The following BAZ1A variants were observed in gnomAD, a reference collection of about 807,000 sequenced individuals.
BAZ1A encodes bromodomain adjacent to zinc finger domain protein 1A.
BAZ1A carries 50 observed loss-of-function variants against 185.2 expected under a neutral mutation model. The ratio of observed to expected loss-of-function variants is 0.27; its 90% CI spans 0.22 to 0.34. The LOEUF (loss-of-function observed/expected upper bound fraction) is 0.34. Ranked by LOEUF, BAZ1A falls within the 10% of genes least tolerant of loss-of-function variation. BAZ1A has a pLI of 1.00. For missense variants in BAZ1A, 1,356 were observed against 1,839.9 expected (o/e 0.74, Z 4.81); for synonymous variants, 571 against 615.6 (o/e 0.93, Z 1.07).
At chr14:34,855,321 C>T (rs372383255) in intron 3 of BAZ1A, among the ~76,000 whole-genome samples, 1 of 152,096 alleles carries the variant, frequency 6.6e-6, no homozygotes, top group East Asian at 1.9e-4. Context: ...ATAAGGCAAA[C>T]GACAAGCTGC....
intron 2 of BAZ1A, among the ~76,000 whole-genome samples, chr14:34,867,851 C>A (rs1258889201): frequency 1.3e-5 from 2 of 152,172 alleles, no homozygotes; most frequent in African/African-American, 4.8e-5. Context: ...ACACTTTACC[C>A]ATTTATCATA....
intron 3 of BAZ1A, among the ~76,000 whole-genome samples, chr14:34,848,074 C>T (rs1035074941): frequency 2.0e-5 from 3 of 152,034 alleles, no homozygotes; most frequent in African/African-American, 7.2e-5. Context: ...GTTGCTCAGG[C>T]TGGTCTTGAA....
intron 12 of BAZ1A, among the ~76,000 whole-genome samples, chr14:34,790,632 G>A (rs1037839950): frequency 1.3e-4 from 20 of 152,074 alleles, no homozygotes; most frequent in Non-Finnish European, 2.6e-4. Context: ...GGGATTACAG[G>A]CATGAGCCAC....
At chr14:34,796,454 A>C (rs1390609531) in intron 9 of BAZ1A, among the ~76,000 whole-genome samples, 1 of 152,224 alleles carries the variant, frequency 6.6e-6, no homozygotes, top group African/African-American at 2.4e-5. Flanking sequence ...GTTTGTAATA[A>C]ATTTGTCATT....
At chr14:34,814,899 G>A (rs61988010) in intron 4 of BAZ1A, among the ~76,000 whole-genome samples, 42,174 of 151,384 alleles carry the variant, frequency 0.28, 6,377 homozygotes, top group Non-Finnish European at 0.36. Context: ...TCAGCCTCCC[G>A]AGTAGCTGGG....
At chr14:34,836,822 G>A (rs1017184539) in intron 3 of BAZ1A, among the ~76,000 whole-genome samples, 9 of 152,126 alleles carry the variant, frequency 5.9e-5, no homozygotes, top group Non-Finnish European at 1.2e-4. Flanking sequence ...CACACAAAAA[G>A]AGTGTGAATT....
At chr14:34,787,136 C>T (rs1880511355) in intron 12 of BAZ1A, among the ~76,000 whole-genome samples, 2 of 150,600 alleles carry the variant, frequency 1.3e-5, no homozygotes, top group Admixed American at 6.6e-5. Context: ...AGGCGGATCA[C>T]GAGGTCAAGA....
chr14:34,792,018 C>T (rs1306997915), intron 12 of BAZ1A, among the ~76,000 whole-genome samples: 2 of 152,152 alleles, frequency 1.3e-5, no homozygotes, highest in Non-Finnish European at 2.9e-5. Context: ...TTATTTAACT[C>T]TGATGTAAAA....
At chr14:34,811,970 G>A (rs965774610) in intron 4 of BAZ1A, among the ~76,000 whole-genome samples, 2 of 151,920 alleles carry the variant, frequency 1.3e-5, no homozygotes, top group African/African-American at 4.8e-5. Context: ...CCCTTTGAGG[G>A]TATTTATTTA....
chr14:34,772,501 G>A (rs1879291300), intron 20 of BAZ1A, among the ~76,000 whole-genome samples: 1 of 151,978 alleles, frequency 6.6e-6, no homozygotes, highest in Non-Finnish European at 1.5e-5. Context: ...TTTCTCCACT[G>A]TTCCCTTCTA....
chr14:34,843,185 G>T (rs1437972151), intron 3 of BAZ1A, among the ~76,000 whole-genome samples: 1 of 151,918 alleles, frequency 6.6e-6, no homozygotes, highest in Non-Finnish European at 1.5e-5. Flanking sequence ...AATATAAGGA[G>T]GATCTAAAAT....
rs752502776 is a variant in BAZ1A, at chr14:34,780,278, A to G, written c.2144T>C (p.Ile715Thr). The change falls in exon 17 of 27, where the codon ATT becomes ACT. Residue 715 changes from isoleucine (I) to threonine (T), a missense_variant. Physicochemically the swap from Ile to Thr is moderately conservative, Grantham distance 89. Around this residue, in one of 7 missense-constraint regions of BAZ1A, gnomAD observed 434 missense variants for 561.7 expected, o/e 0.77. Coordinates refer to ENST00000360310, the MANE Select transcript of BAZ1A (RefSeq NM_013448.3). ...CTTTTGCTCTGTGTCTTTGCTCTCA[A>G]TGCTAGTATCAAAATCTTCCCTTTC... ...EEEREDFDTS[I>T]ESKDTEQKEL... is the part of the protein sequence containing the mutation. 1.2e-6 allele frequency: 2 copies of G among 1,612,846 alleles called. No individual in the cohort carries two copies. Among genetic ancestry groups the G allele is most frequent in the Non-Finnish European group, 1.7e-6 (2 of 1,179,532 alleles).
chr14:34,803,185 C>T (rs61981234), intron 6 of BAZ1A, among the ~76,000 whole-genome samples, 197 bp from the exon 7 acceptor site: 29,941 of 151,934 alleles, frequency 0.2, 3,500 homozygotes, highest in Non-Finnish European at 0.26. Flanking sequence ...TCGAGACCAT[C>T]CTGCCCAATA....
chr14:34,764,770 C>G lies in BAZ1A; in HGVS notation c.3713G>C (p.Ser1238Thr), dbSNP rs1594813576. The change falls in exon 23 of 27, where the codon AGT (serine) becomes ACT (threonine). Residue 1238 changes from serine (S) to threonine (T), a missense_variant. Ser to Thr is a moderately conservative substitution (Grantham distance 58). Transcript: ENST00000360310. Reference protein sequence around the residue: ...EVDGDEEEGQSEEEEYEVEQD... With the variant: ...EVDGDEEEGQTEEEEYEVEQD... ...TTCTACCTCATACTCTTCCTCCTCA[C>G]TTTGACCTTCTTCTTCATCGCCATC... The G allele has an allele frequency of 6.2e-7, 1 of 1,609,956 alleles. No homozygotes were observed.
intron 12 of BAZ1A, among the ~76,000 whole-genome samples, chr14:34,792,552 T>C (rs546039781): frequency 2.0e-5 from 3 of 152,210 alleles, no homozygotes; most frequent in South Asian, 2.1e-4. Flanking sequence ...AAAAGCAAGA[T>C]AGACTGAGGG....
chr14:34,783,620 C>T, intron 15 of BAZ1A, 142 bp downstream of exon 15: 1 of 1,125,524 alleles, frequency 8.9e-7, no homozygotes, highest in South Asian at 1.7e-5. Flanking sequence ...AGCCACCACA[C>T]CTGGCCTCAT....
chr14:34,783,326 C>A, intron 15 of BAZ1A, 94 bp from the exon 16 acceptor site: 64 of 631,124 alleles, frequency 1.0e-4, no homozygotes, highest in Middle Eastern at 4.9e-4. Flanking sequence ...GAAAGTACTT[C>A]AAACATTATT....
chr14:34,784,946 T>C (rs993117047), intron 14 of BAZ1A, among the ~76,000 whole-genome samples: 5 of 152,156 alleles, frequency 3.3e-5, no homozygotes, highest in Non-Finnish European at 5.9e-5. Flanking sequence ...AACCTCTGCC[T>C]CCTGGGTTCA....
At position 34,785,803 on chromosome 14, in the gene BAZ1A, C is replaced by A; in HGVS notation, c.1805G>T (p.Ser602Ile). 1 of 1,613,966 alleles carries A rather than the reference C, an allele frequency of 6.2e-7. No individual in the cohort carries two copies. The highest frequency in any genetic ancestry group is 8.5e-7 in the Non-Finnish European group (1 of 1,180,018). Residue 602 changes from serine to isoleucine, a missense_variant, in exon 14 of 27, where the codon AGC (serine) becomes ATC (isoleucine). By Grantham distance (142) the Ser-to-Ile change is moderately radical (BLOSUM62 -2). This residue lies in a region of BAZ1A where 184 missense variants were observed against 355.1 expected (regional missense o/e 0.52). Coordinates refer to ENST00000360310, the MANE Select transcript of BAZ1A (RefSeq NM_013448.3). Reference protein sequence around the residue: ...SNPSLVKKLSSTSVYDLTPGE... With the variant: ...SNPSLVKKLSITSVYDLTPGE... ...TGGTGTCAAATCATACACTGAGGTG[C>A]TTGACAGTTTCTTCACTAGACTGGG...
Sources: gnomAD v4.1 joint callset for allele counts (sites outside exome capture counted in the v4.1 genomes callset) on GRCh38, gnomAD v4.1.1 for gene constraint, gnomAD v4.1.1 regional missense constraint, MANE v1.5 for transcripts, NCBI Gene and HGNC (gene_info 2026-07-23, HGNC 2026-07-21) for gene names.